The following FGF12 variants were observed in gnomAD, a reference collection of about 807,000 sequenced individuals.
FGF12 encodes fibroblast growth factor 12B.
A neutral mutation model predicts 23.6 loss-of-function variants in FGF12; 14 were observed. That is an observed-to-expected ratio of 0.59 (90% confidence interval 0.39 to 0.93). The LOEUF (loss-of-function observed/expected upper bound fraction) is 0.93, where lower values mean the gene tolerates loss of function less well. FGF12 is among the 40% of genes least tolerant of loss of function. The probability of loss-of-function intolerance (pLI) is 0.00; values close to 1 mark genes in which losing one functional copy is unlikely to be tolerated. For synonymous variants in FGF12, 62 were observed against 77.3 expected (o/e 0.80, Z 1.04); for missense variants, 175 against 217.8 (o/e 0.80, Z 1.24).
chr3:192,379,658 T>C (rs1719734905), intron 2 of FGF12, among the ~76,000 whole-genome samples: 1 of 152,234 alleles, frequency 6.6e-6, no homozygotes, highest in Admixed American at 6.5e-5. Context: ...AAATAGATAA[T>C]TGTGGATTTT....
At chr3:192,304,728 T>G (rs1053432704) in intron 4 of FGF12, among the ~76,000 whole-genome samples, 1 of 152,200 alleles carries the variant, frequency 6.6e-6, no homozygotes, top group Admixed American at 6.5e-5. Context: ...TCAGTAAGAC[T>G]TACTGACAAG....
At chr3:192,726,906 C>A in intron 2 of FGF12, 1 of 518,984 alleles carries the variant, frequency 1.9e-6, no homozygotes, top group South Asian at 3.3e-5. Flanking sequence ...TCCTCCTCCT[C>A]CATTTTGGGG....
intron 2 of FGF12, among the ~76,000 whole-genome samples, chr3:192,510,118 C>T (rs1205245760): frequency 2.0e-5 from 3 of 152,156 alleles, no homozygotes; most frequent in African/African-American, 7.2e-5. Context: ...TGTGCTCAGG[C>T]TATGAAAGCT....
chr3:192,474,599 AG>A (rs1352393789), intron 2 of FGF12, among the ~76,000 whole-genome samples: 5 of 152,250 alleles, frequency 3.3e-5, no homozygotes, highest in Non-Finnish European at 2.9e-5. Flanking sequence ...ATAAAGAAAA[AG>A]GAAGGCCAGG....
chr3:192,232,156 C>T (rs1362991366), intron 4 of FGF12, among the ~76,000 whole-genome samples: 1 of 152,082 alleles, frequency 6.6e-6, no homozygotes, highest in Non-Finnish European at 1.5e-5. Context: ...TATGTGGTAG[C>T]TCTTTCCCAC....
chr3:192,595,707 C>T (rs745720918), intron 2 of FGF12, among the ~76,000 whole-genome samples: 5 of 152,122 alleles, frequency 3.3e-5, no homozygotes, highest in African/African-American at 9.7e-5. Flanking sequence ...AAGTGGTAGG[C>T]TTTGAACTTG....
At chr3:192,436,176 A>G (rs73889330) in intron 2 of FGF12, among the ~76,000 whole-genome samples, 3,641 of 152,280 alleles carry the variant, frequency 0.024, 150 homozygotes, top group African/African-American at 0.084. Context: ...CTCCCATTGT[A>G]GATGGTGATC....
At chr3:192,558,933 C>T (rs2108592559) in intron 2 of FGF12, among the ~76,000 whole-genome samples, 1 of 151,916 alleles carries the variant, frequency 6.6e-6, no homozygotes, top group East Asian at 1.9e-4. Context: ...TATATTACAC[C>T]ATAAACAAAA....
At chr3:192,276,115 C>T (rs1284976614) in intron 4 of FGF12, among the ~76,000 whole-genome samples, 5 of 152,192 alleles carry the variant, frequency 3.3e-5, no homozygotes, top group Admixed American at 6.5e-5. Context: ...GTTAAAGAGG[C>T]TCATATATGC....
chr3:192,565,951 T>C (rs1188787621), intron 2 of FGF12, among the ~76,000 whole-genome samples: 1 of 152,306 alleles, frequency 6.6e-6, no homozygotes, highest in African/African-American at 2.4e-5. Flanking sequence ...CCGAGCATGG[T>C]AGCACATGCC....
chr3:192,697,954 G>A (rs1387715330), intron 2 of FGF12, among the ~76,000 whole-genome samples: 4 of 150,212 alleles, frequency 2.7e-5, no homozygotes, highest in African/African-American at 7.3e-5. Context: ...AAATTAATCC[G>A]CTAATGTCTC....
At chr3:192,243,567 A>T (rs992665205) in intron 4 of FGF12, among the ~76,000 whole-genome samples, 1 of 151,754 alleles carries the variant, frequency 6.6e-6, no homozygotes, top group Non-Finnish European at 1.5e-5. Flanking sequence ...AATTCCCTTT[A>T]CAGTATATCC....
rs561447246 is a variant in FGF12, at chr3:192,307,461, T to C, written c.228+27900A>G. On this transcript the variant is annotated intron_variant, in intron 4 of 5. Transcript: ENST00000445105. The stretch of plus-strand genomic sequence containing the variant: ...ACTGATGTAGTCTAGCCGACCTCTA[T>C]GATCACTTTTATCAACTGAAAGTTA... 1.7e-4 allele frequency among the ~76,000 whole-genome samples: 26 copies of C among 152,342 alleles called. 1 individual carries two copies. The South Asian group carries it at 3.5e-3, about 21-fold the overall frequency.
intron 2 of FGF12, among the ~76,000 whole-genome samples, chr3:192,601,468 G>T (rs1714111923): frequency 6.6e-6 from 1 of 152,044 alleles, no homozygotes; most frequent in Non-Finnish European, 1.5e-5. Flanking sequence ...AATGATAAAT[G>T]TTTGAGATAA....
intron 2 of FGF12, among the ~76,000 whole-genome samples, chr3:192,535,915 AAAG>A (rs751940228): frequency 7.9e-5 from 12 of 152,310 alleles, no homozygotes; most frequent in Non-Finnish European, 1.6e-4. Context: ...TACAAACCTG[AAAG>A]AAGATGCAAA....
intron 4 of FGF12, among the ~76,000 whole-genome samples, chr3:192,206,846 T>C (rs1270566627): frequency 6.6e-6 from 1 of 151,742 alleles, no homozygotes; most frequent in Admixed American, 6.6e-5. Flanking sequence ...CTGCCCTGAC[T>C]CTCAACCCTC....
Position 192,707,683 on chromosome 3 carries a change from T to C in FGF12, c.13+19498A>G, listed in dbSNP as rs534137561. The stretch of plus-strand genomic sequence containing the variant: ...ATCGCTTGAACTTGGGAGGTGGAGA[T>C]TGCAATAAGCCAAGATTGTGCCACT... On this transcript the variant is annotated intron_variant, in intron 2 of 5. Coordinates refer to ENST00000445105, the MANE Select transcript of FGF12 (RefSeq NM_004113.6). Among the ~76,000 whole-genome samples, 7 of 126,058 alleles carry C rather than the reference T, an allele frequency of 5.6e-5. No individual in the cohort carries two copies. In the East Asian group the frequency reaches 1.7e-3, roughly 31 times the overall value. 82.7% of individuals were successfully genotyped at this position (126,058 alleles called of 152,430 possible). A position where few individuals can be genotyped will look rare whatever the true frequency, so the allele number is the denominator to read the frequency against.
At chr3:192,451,954 T>C (rs1186206223) in intron 2 of FGF12, among the ~76,000 whole-genome samples, 1 of 152,234 alleles carries the variant, frequency 6.6e-6, no homozygotes, top group Non-Finnish European at 1.5e-5. Context: ...TAGATAATTA[T>C]GGAGTATTCA....
At chr3:192,197,351 G>C (rs1053856637) in intron 4 of FGF12, among the ~76,000 whole-genome samples, 9 of 152,188 alleles carry the variant, frequency 5.9e-5, no homozygotes, top group South Asian at 2.1e-4. Context: ...TTAATATTCA[G>C]TGTGAGGTTT....
Sources: gnomAD v4.1 joint callset for allele counts (sites outside exome capture counted in the v4.1 genomes callset) on GRCh38, gnomAD v4.1.1 for gene constraint, MANE v1.5 for transcripts, NCBI Gene and HGNC (gene_info 2026-07-23, HGNC 2026-07-21) for gene names.